Variants in COTL1 observed in about 807,000 individuals in gnomAD.
COTL1 encodes coactosin-like protein.
A neutral mutation model predicts 16.5 loss-of-function variants in COTL1; 15 were observed. The observed-to-expected ratio is 0.91, with a 90% CI of 0.61 to 1.40. The LOEUF (loss-of-function observed/expected upper bound fraction) is 1.40, where lower values mean the gene tolerates loss of function less well. COTL1 is among the 40% of genes most tolerant of loss of function. COTL1 has a pLI of 0.00. For synonymous variants in COTL1, 112 were observed against 85.3 expected, an observed-to-expected ratio of 1.31 and a Z score of -1.73; for missense variants, 220 against 201.5, an observed-to-expected ratio of 1.09 and a Z score of -0.56.
At chr16:84,582,472 T>C (rs1447551111) in intron 3 of COTL1, among the ~76,000 whole-genome samples, 2 of 152,250 alleles carry the variant, frequency 1.3e-5, no homozygotes, top group Non-Finnish European at 2.9e-5. Context: ...GCCCTTGTTA[T>C]GTGCTAGCAC....
intron 2 of COTL1, among the ~76,000 whole-genome samples, chr16:84,609,940 T>C (rs1463204123): frequency 6.6e-6 from 1 of 152,326 alleles, no homozygotes; most frequent in Middle Eastern, 3.4e-3. Flanking sequence ...TATTTCTTCA[T>C]AGCAGCGTGA....
At chr16:84,599,196 C>T (rs1905065493) in intron 2 of COTL1, among the ~76,000 whole-genome samples, 1 of 151,824 alleles carries the variant, frequency 6.6e-6, no homozygotes, top group Non-Finnish European at 1.5e-5. Flanking sequence ...CCAGGATCCA[C>T]ATTGACTGGG....
At chr16:84,595,963 T>G (rs1904996599) in intron 2 of COTL1, 1 of 152,168 alleles carries the variant, frequency 6.6e-6, no homozygotes, top group Non-Finnish European at 1.5e-5. Flanking sequence ...TATATATACA[T>G]GTATGTGTAT....
At chr16:84,591,895 T>C (rs76233738) in intron 2 of COTL1, among the ~76,000 whole-genome samples, 4,116 of 141,542 alleles carry the variant, frequency 0.029, 121 homozygotes, top group African/African-American at 0.078. Context: ...TGTGCGTGCA[T>C]GTGTATGTGT....
At chr16:84,577,697 G>T (rs1255942946) in intron 3 of COTL1, among the ~76,000 whole-genome samples, 1 of 152,180 alleles carries the variant, frequency 6.6e-6, no homozygotes, top group East Asian at 1.9e-4. Context: ...TGCTGTACTT[G>T]AGGAACAAAA....
intron 3 of COTL1, among the ~76,000 whole-genome samples, chr16:84,586,317 A>G (rs563154654): frequency 1.8e-4 from 28 of 152,344 alleles, no homozygotes; most frequent in African/African-American, 6.7e-4. Context: ...TTGCAAACGT[A>G]AGAATTATCA....
chr16:84,592,974 A>T (rs1320319498), intron 2 of COTL1, among the ~76,000 whole-genome samples: 1 of 152,236 alleles, frequency 6.6e-6, no homozygotes, highest in Non-Finnish European at 1.5e-5. Context: ...TTGGCACACC[A>T]CTTTTCAGTT....
intron 3 of COTL1, among the ~76,000 whole-genome samples, chr16:84,577,372 G>C (rs942948096): frequency 6.6e-6 from 1 of 152,204 alleles, no homozygotes; most frequent in African/African-American, 2.4e-5. Context: ...AGTCTCCCAA[G>C]TAGCTGGGAC....
chr16:84,581,232 C>T (rs1014762647), intron 3 of COTL1, among the ~76,000 whole-genome samples: 8 of 141,438 alleles, frequency 5.7e-5, no homozygotes, highest in Non-Finnish European at 1.1e-4. Context: ...AGCCCAGGCC[C>T]AGGTGAAATG....
At chr16:84,586,004 G>A (rs1396054168) in intron 3 of COTL1, among the ~76,000 whole-genome samples, 1 of 152,106 alleles carries the variant, frequency 6.6e-6, no homozygotes, top group East Asian at 1.9e-4. Flanking sequence ...CCGCCTCCCT[G>A]CCCAAAGGCG....
chr16:84,589,063 T>G (rs1392120667), intron 3 of COTL1, among the ~76,000 whole-genome samples: 1 of 152,098 alleles, frequency 6.6e-6, no homozygotes. Flanking sequence ...CTTGACCTCC[T>G]GGTTTCCAGC....
chr16:84,583,951 A>G (rs895246539), intron 3 of COTL1, among the ~76,000 whole-genome samples: 1 of 152,186 alleles, frequency 6.6e-6, no homozygotes, highest in African/African-American at 2.4e-5. Flanking sequence ...TAAAGAATCA[A>G]TAAAAGGATC....
At chr16:84,598,918 C>T (rs1905060332) in intron 2 of COTL1, among the ~76,000 whole-genome samples, 1 of 151,376 alleles carries the variant, frequency 6.6e-6, no homozygotes, top group African/African-American at 2.4e-5. Context: ...GGGAGAAAAC[C>T]CAGTGACAAC....
chr16:84,613,002 C>G (rs868264542), intron 2 of COTL1, among the ~76,000 whole-genome samples: 6 of 130,482 alleles, frequency 4.6e-5, no homozygotes, highest in East Asian at 4.6e-4. Flanking sequence ...TTCTTTCTTT[C>G]TTTCTTTTTT....
In COTL1 at chr16:84,617,863, G is replaced by C; in HGVS notation, c.52C>G (p.Arg18Gly). ...EACRAAYNLV[R>G]DDGSAVIWVT... is the part of the protein sequence containing the mutation. ...CAGATGACGGCCGAGCCGTCGTCGC[G>C]CACCAGGTTGTACGCCGCCCGGCAA... Residue 18 changes from arginine (R) to glycine (G), a missense_variant, in exon 1 of 4, where the codon CGC becomes GGC. Arg to Gly is a moderately radical substitution (Grantham distance 125, BLOSUM62 -2). Transcript: ENST00000262428. The C allele has an allele frequency of 6.3e-7, 1 of 1,575,882 alleles. No homozygotes were observed. Among genetic ancestry groups the C allele is most frequent in the Non-Finnish European group, 8.6e-7 (1 of 1,161,880 alleles).
intron 2 of COTL1, among the ~76,000 whole-genome samples, chr16:84,607,668 G>A (rs1160576159): frequency 2.0e-5 from 3 of 152,142 alleles, no homozygotes; most frequent in Non-Finnish European, 4.4e-5. Flanking sequence ...GGCACCCCAT[G>A]TCATGTCTGA....
At chr16:84,616,499 T>G (rs1175599476) in intron 2 of COTL1, 1 of 138,616 alleles carries the variant, frequency 7.2e-6, no homozygotes, top group Non-Finnish European at 1.5e-5. Context: ...GAAGATTCTG[T>G]CTCAAAAATA....
chr16:84,594,382 A>C (rs1904945935), intron 2 of COTL1: 1 of 152,304 alleles, frequency 6.6e-6, no homozygotes, highest in African/African-American at 2.4e-5. Context: ...GCAGTTCCTC[A>C]CTTGTAAGGT....
chr16:84,601,474 C>G (rs1905104645), intron 2 of COTL1, among the ~76,000 whole-genome samples: 1 of 152,046 alleles, frequency 6.6e-6, no homozygotes, highest in Admixed American at 6.5e-5. Context: ...TTTTATCCCC[C>G]CGAGACGGAG....
Sources: gnomAD v4.1 joint callset for allele counts (sites outside exome capture counted in the v4.1 genomes callset) on GRCh38, gnomAD v4.1.1 for gene constraint, MANE v1.5 for transcripts, NCBI Gene and HGNC (gene_info 2026-07-23, HGNC 2026-07-21) for gene names.